RBMS3: variants seen among roughly 807,000 people sequenced by gnomAD.
RBMS3 encodes the protein RNA-binding motif, single-stranded-interacting protein 3.
A neutral mutation model predicts 66.8 loss-of-function variants in RBMS3; 27 were observed. The observed-to-expected ratio is 0.40, with a 90% CI of 0.30 to 0.56. The LOEUF (loss-of-function observed/expected upper bound fraction) is 0.56. RBMS3 is among the 20% of genes least tolerant of loss of function. RBMS3 has a pLI of 0.40. For missense variants in RBMS3, 513 were observed against 549.5 expected (o/e 0.93, Z 0.66); for synonymous variants, 188 against 183.0 (o/e 1.03, Z -0.22).
chr3:29,863,592 T>G lies in RBMS3; in HGVS notation c.638-5266T>G, dbSNP rs552766221. ...ACTGCTTATACAGATCCCCCAAATA[T>G]CAGGGTGGCTAAATTTTTAGACCTT... On this transcript the variant is annotated intron_variant, in intron 6 of 14. Transcript: ENST00000383767. 6.6e-5 allele frequency among the ~76,000 whole-genome samples: 10 copies of G among 152,200 alleles called. No homozygotes were observed. The South Asian group carries it at 1.5e-3, about 22-fold the overall frequency.
chr3:29,332,892 T>C (rs1013965538), intron 1 of RBMS3, among the ~76,000 whole-genome samples: 21 of 152,192 alleles, frequency 1.4e-4, no homozygotes, highest in African/African-American at 4.8e-4. Context: ...GAAATGAGAA[T>C]TCAAAGTATA....
At chr3:29,287,533 A>C (rs2032458063) in intron 1 of RBMS3, among the ~76,000 whole-genome samples, 1 of 152,198 alleles carries the variant, frequency 6.6e-6, no homozygotes, top group East Asian at 1.9e-4. Context: ...GATGCTCTTC[A>C]GTGTTGTATA....
intron 4 of RBMS3, among the ~76,000 whole-genome samples, chr3:29,613,814 G>A (rs1043620184): frequency 4.6e-5 from 7 of 151,944 alleles, no homozygotes. Flanking sequence ...ATACCTGTCA[G>A]AATGGCTATT....
intron 12 of RBMS3, among the ~76,000 whole-genome samples, chr3:29,954,847 A>G (rs1258366177): frequency 6.6e-6 from 1 of 152,026 alleles, no homozygotes; most frequent in Non-Finnish European, 1.5e-5. Flanking sequence ...CTTCACACAC[A>G]TTCTTGAATA....
intron 2 of RBMS3, among the ~76,000 whole-genome samples, chr3:29,474,627 T>C (rs1346867367): frequency 6.6e-6 from 1 of 152,216 alleles, no homozygotes; most frequent in African/African-American, 2.4e-5. Context: ...GAAGGCACAA[T>C]TTATGTTTTC....
chr3:29,638,128 A>C (rs1417172408), intron 4 of RBMS3, among the ~76,000 whole-genome samples: 1 of 151,908 alleles, frequency 6.6e-6, no homozygotes, highest in Non-Finnish European at 1.5e-5. Flanking sequence ...TGGAAAGCAC[A>C]GGAAGACACG....
chr3:29,436,388 A>G (rs984083079), intron 2 of RBMS3, among the ~76,000 whole-genome samples: 4 of 152,184 alleles, frequency 2.6e-5, no homozygotes, highest in African/African-American at 9.7e-5. Context: ...GATTTGTGAA[A>G]AAGGCAAGGC....
chr3:29,541,519 C>G (rs2149012158), intron 3 of RBMS3, among the ~76,000 whole-genome samples: 1 of 147,658 alleles, frequency 6.8e-6, no homozygotes, highest in East Asian at 2.1e-4. Flanking sequence ...CTGAATCTCA[C>G]CTCATTTCAG....
intron 6 of RBMS3, among the ~76,000 whole-genome samples, chr3:29,784,126 C>T (rs1323138524): frequency 6.6e-6 from 1 of 152,038 alleles, no homozygotes. Context: ...ACTGACAGCA[C>T]TAGACAGGTC....
intron 6 of RBMS3, among the ~76,000 whole-genome samples, chr3:29,816,456 T>C (rs185965051): frequency 2.6e-4 from 39 of 152,236 alleles, no homozygotes; most frequent in African/African-American, 9.2e-4. Flanking sequence ...CAGATGTTGG[T>C]GAACATTTCA....
At chr3:29,668,626 C>T (rs1374959029) in intron 4 of RBMS3, among the ~76,000 whole-genome samples, 1 of 151,928 alleles carries the variant, frequency 6.6e-6, no homozygotes, top group Non-Finnish European at 1.5e-5. Flanking sequence ...GGGTCTCGGC[C>T]CATGGAATAC....
intron 1 of RBMS3, among the ~76,000 whole-genome samples, chr3:29,343,860 A>G (rs2036423419): frequency 1.3e-5 from 2 of 152,210 alleles, no homozygotes; most frequent in African/African-American, 2.4e-5. Flanking sequence ...TTGCTATGCT[A>G]TGTAGCAGAT....
chr3:29,405,772 G>A (rs1187172577), intron 1 of RBMS3, among the ~76,000 whole-genome samples: 1 of 152,164 alleles, frequency 6.6e-6, no homozygotes, highest in Non-Finnish European at 1.5e-5. Flanking sequence ...TCTAAGGTGA[G>A]CTTAGTGACC....
chr3:29,647,105 G>C (rs1416021269), intron 4 of RBMS3, among the ~76,000 whole-genome samples: 2 of 152,082 alleles, frequency 1.3e-5, no homozygotes, highest in Non-Finnish European at 2.9e-5. Context: ...AGCCTCCCAA[G>C]TAGCTGGGAC....
rs533898522 is a variant in RBMS3, at chr3:29,448,085, A to G, written c.248+13170A>G. ...ATGGGACAAACAAGAGACATAATCT[A>G]TGGGTGACCTGCATGTCTCAACACA... On this transcript the variant is annotated intron_variant, in intron 2 of 14. Coordinates refer to ENST00000383767, the MANE Select transcript of RBMS3 (RefSeq NM_001003793.3). 9.2e-5 allele frequency among the ~76,000 whole-genome samples: 14 copies of G among 152,256 alleles called. No individual in the cohort carries two copies. The South Asian group carries it at 1.0e-3, about 11-fold the overall frequency.
chr3:29,628,859 C>T (rs1223588168), intron 4 of RBMS3, among the ~76,000 whole-genome samples: 4 of 152,068 alleles, frequency 2.6e-5, no homozygotes. Flanking sequence ...CTGTTTTTCA[C>T]AATTAGAATC....
chr3:29,352,116 G>C (rs1368777385), intron 1 of RBMS3, among the ~76,000 whole-genome samples: 1 of 151,912 alleles, frequency 6.6e-6, no homozygotes, highest in Non-Finnish European at 1.5e-5. Context: ...CTCCAAAAAA[G>C]AGTATTAAAA....
In RBMS3 at chr3:29,293,229, G is replaced by C. The variant is rs146529902; in HGVS notation, c.75+11473G>C. 1.0e-3 allele frequency among the ~76,000 whole-genome samples: 158 copies of C among 151,518 alleles called. 1 individual carries two copies. The highest frequency in any genetic ancestry group is 3.6e-3 in the African/African-American group (149 of 41,404). On this transcript the variant is annotated intron_variant, in intron 1 of 14. Transcript: ENST00000383767. ...TTCTGTATCTAACATATTCATATAC[G>C]ATCTGTATGTGCTCACAAATATAAC...
intron 6 of RBMS3, among the ~76,000 whole-genome samples, chr3:29,830,118 C>A (rs1386353712): frequency 2.6e-5 from 4 of 151,872 alleles, no homozygotes; most frequent in Admixed American, 6.6e-5. Flanking sequence ...TTATATAGTG[C>A]AGATATTTTT....
Sources: allele counts gnomAD v4.1 joint callset (sites outside exome capture counted in the v4.1 genomes callset), GRCh38; gene constraint gnomAD v4.1.1; transcripts MANE v1.5; gene names NCBI Gene and HGNC (gene_info 2026-07-23, HGNC 2026-07-21).